NUP98: variants seen among roughly 807,000 people sequenced by gnomAD.
NUP98 encodes the protein nucleoporin 98 and 96 precursor.
Under a neutral mutation model 191.9 loss-of-function variants are expected in NUP98, and 26 were observed. The ratio of observed to expected loss-of-function variants is 0.14; its 90% confidence interval spans 0.10 to 0.19. NUP98 has a LOEUF of 0.19. Ranked by LOEUF, NUP98 falls within the 10% of genes least tolerant of loss-of-function variation. NUP98 has a pLI of 1.00. For synonymous variants in NUP98, 808 were observed against 778.4 expected (o/e 1.04, Z -0.63); for missense variants, 1,941 against 2,178.8 (o/e 0.89, Z 2.17).
chr11:3,748,426 C>T (rs116453971), intron 11 of NUP98, among the ~76,000 whole-genome samples: 2,271 of 151,756 alleles, frequency 0.015, 68 homozygotes, highest in African/African-American at 0.052. Flanking sequence ...TAGGTTGAGG[C>T]ACAAGAATTG....
In NUP98 at chr11:3,693,213, C is replaced by T; in HGVS notation, c.4311+19G>A. The T allele has an allele frequency of 6.2e-7, 1 of 1,612,148 alleles. No homozygotes were observed. Among genetic ancestry groups the T allele is most frequent in the Non-Finnish European group, 8.5e-7 (1 of 1,179,112 alleles). On this transcript the variant is annotated intron_variant, in intron 27 of 32. Coordinates refer to ENST00000324932, the MANE Select transcript of NUP98 (RefSeq NM_016320.5). ...AACACCCAGCAAGATTTTTGCTTGG[C>T]TCTATTGGCCACATATACCTGAAAT...
At position 3,706,608 on chromosome 11, in the gene NUP98, T is replaced by C; in HGVS notation, c.2762A>G (p.Glu921Gly). 6.2e-7 allele frequency: 1 copy of C among 1,613,810 alleles called. No homozygotes were observed. The highest frequency in any genetic ancestry group is 8.5e-7 in the Non-Finnish European group (1 of 1,179,966). ...PPPQSQSPEV[E>G]QLGRVVELDS... ...CAGTTCCACAACCCTCCCTAACTGC[T>C]CCACCTCTGGGCTCTGGCTCTGTAG... Residue 921 changes from glutamate to glycine, a missense_variant, in exon 21 of 33, where the codon GAG (glutamate) becomes GGG (glycine). By Grantham distance (98) the Glu-to-Gly change is moderately conservative. Transcript: ENST00000324932.
At chr11:3,749,124 A>G (rs1451245389) in intron 11 of NUP98, among the ~76,000 whole-genome samples, 1 of 144,142 alleles carries the variant, frequency 6.9e-6, no homozygotes, top group African/African-American at 2.6e-5. Flanking sequence ...CTGGCTAACA[A>G]GGTGAAACCC....
chr11:3,720,015 C>T (rs1056957481), intron 17 of NUP98, among the ~76,000 whole-genome samples: 1 of 152,104 alleles, frequency 6.6e-6, no homozygotes, highest in Non-Finnish European at 1.5e-5. Flanking sequence ...CTCACCTCAG[C>T]CTCCCAAAGC....
At chr11:3,707,791 G>A (rs981420779) in intron 20 of NUP98, among the ~76,000 whole-genome samples, 1 of 140,226 alleles carries the variant, frequency 7.1e-6, no homozygotes, top group Non-Finnish European at 1.5e-5. Flanking sequence ...ATGACACCCA[G>A]GGCTCCCACT....
chr11:3,759,677 GTTTTGAAAATTAT>G (rs1391678957), intron 10 of NUP98, among the ~76,000 whole-genome samples: 3 of 151,952 alleles, frequency 2.0e-5, no homozygotes, highest in Non-Finnish European at 4.4e-5. Flanking sequence ...GTAGGTTAAG[GTTTTGAAAATTAT>G]TGTTCAATCT....
At chr11:3,715,567 G>T (rs762228886) in intron 18 of NUP98, among the ~76,000 whole-genome samples, 5 of 152,112 alleles carry the variant, frequency 3.3e-5, no homozygotes, top group Non-Finnish European at 5.9e-5. Flanking sequence ...TTGGAGAAAT[G>T]TCGATTCAAG....
chr11:3,790,130 G>A (rs917280160), intron 1 of NUP98, among the ~76,000 whole-genome samples: 7 of 152,134 alleles, frequency 4.6e-5, no homozygotes, highest in African/African-American at 7.2e-5. Flanking sequence ...AGTAAGCTCT[G>A]TGTCAAACGA....
In NUP98 at chr11:3,691,386, C is replaced by T. The variant is rs750942059; in HGVS notation, c.4415G>A (p.Arg1472Gln). Residue 1472 changes from arginine (R) to glutamine (Q), a missense_variant, in exon 28 of 33, where the codon CGA becomes CAA. Arg to Gln is a conservative substitution (Grantham distance 43). This residue lies in a region of NUP98 where 1,030 missense variants were observed against 1,115.8 expected (regional missense o/e 0.92). Coordinates refer to ENST00000324932, the MANE Select transcript of NUP98 (RefSeq NM_016320.5). ...TTTTAGAAGGTGAAAGCAGACATCT[C>T]GAAGTGGTGTCTGTGAGTTTTGCTC... ...AEEQNSQTPL[R>Q]DVCFHLLKLY... is the part of the protein sequence containing the mutation. 1.4e-5 allele frequency: 23 copies of T among 1,614,128 alleles called. No individual in the cohort carries two copies. The South Asian group carries it at 1.9e-4, about 13-fold the overall frequency.
chr11:3,724,985 G>C, intron 15 of NUP98, 118 bp downstream of exon 15: 1 of 553,528 alleles, frequency 1.8e-6, no homozygotes, highest in Admixed American at 3.0e-5. Flanking sequence ...TCATAAGCTT[G>C]TAATACTTCT....
intron 8 of NUP98, among the ~76,000 whole-genome samples, chr11:3,767,532 A>G (rs1341110295): frequency 1.3e-5 from 2 of 151,550 alleles, no homozygotes; most frequent in Non-Finnish European, 1.5e-5. Flanking sequence ...GGGTTTCACC[A>G]TGTTGGCCAG....
At chr11:3,772,411 T>G (rs1485240986) in intron 6 of NUP98, among the ~76,000 whole-genome samples, 1 of 152,198 alleles carries the variant, frequency 6.6e-6, no homozygotes, top group Non-Finnish European at 1.5e-5. Flanking sequence ...ACTATAATCA[T>G]GAATGACTAT....
At chr11:3,794,013 A>C (rs547903085) in intron 1 of NUP98, among the ~76,000 whole-genome samples, 1 of 152,184 alleles carries the variant, frequency 6.6e-6, no homozygotes, top group Non-Finnish European at 1.5e-5. Flanking sequence ...TATTTTCACT[A>C]AAGTAGTAGT....
chr11:3,752,383 G>C (rs948215902), intron 11 of NUP98, among the ~76,000 whole-genome samples: 3 of 151,714 alleles, frequency 2.0e-5, no homozygotes, highest in Admixed American at 6.6e-5. Context: ...CAAGGATGGT[G>C]ATACACACCT....
chr11:3,684,766 C>CAAAAAAAAAAAAAAAAAA (rs71041370), intron 29 of NUP98, among the ~76,000 whole-genome samples: 3 of 101,802 alleles, frequency 2.9e-5, no homozygotes, highest in African/African-American at 1.2e-4. Flanking sequence ...TTTCACAGGC[C>CAAAAAAAAAAAAAAAAAA]AAAAAAAAAA....
chr11:3,740,855 T>C (rs1385757341), intron 12 of NUP98, among the ~76,000 whole-genome samples: 2 of 151,568 alleles, frequency 1.3e-5, no homozygotes, highest in African/African-American at 2.4e-5. Flanking sequence ...GTCTCGCACT[T>C]TCGCCCAGGC....
chr11:3,695,598 G>C lies in NUP98; in HGVS notation c.4018C>G (p.Arg1340Gly). Reference protein sequence around the residue: ...CSLAQQSGDHRLALLLSQFVG... With the variant: ...CSLAQQSGDHGLALLLSQFVG... ...AACTGAGATAAAAGAAGAGCAAGAC[G>C]ATGATCCCCTATAAGAGAAATGGAA... The change falls in exon 26 of 33, where the codon CGT becomes GGT. Residue 1340 changes from arginine (R) to glycine (G), a missense_variant. Physicochemically the swap from Arg to Gly is moderately radical, Grantham distance 125 (BLOSUM62 -2). Coordinates refer to ENST00000324932, the MANE Select transcript of NUP98 (RefSeq NM_016320.5). 6.3e-7 allele frequency: 1 copy of C among 1,583,996 alleles called. No homozygotes were observed. Among genetic ancestry groups the C allele is most frequent in the Non-Finnish European group, 8.6e-7 (1 of 1,166,866 alleles).
chr11:3,789,847 T>G (rs1206512189), intron 1 of NUP98, among the ~76,000 whole-genome samples: 1 of 152,124 alleles, frequency 6.6e-6, no homozygotes, highest in Non-Finnish European at 1.5e-5. Context: ...TGCAGTGGCA[T>G]GATCTCAGCT....
At chr11:3,789,389 A>C (rs118076531) in intron 1 of NUP98, among the ~76,000 whole-genome samples, 4 of 152,270 alleles carry the variant, frequency 2.6e-5, no homozygotes, top group Non-Finnish European at 5.9e-5. Context: ...TCCCTGCACA[A>C]ACACAATATA....
Sources: allele counts gnomAD v4.1 joint callset (sites outside exome capture counted in the v4.1 genomes callset), GRCh38; gene constraint gnomAD v4.1.1; regional missense constraint gnomAD v4.1.1; transcripts MANE v1.5; gene names NCBI Gene and HGNC (gene_info 2026-07-23, HGNC 2026-07-21).